Variants in TEX26 observed in about 807,000 individuals in gnomAD.
TEX26 encodes the protein testis expressed 26.
A neutral mutation model predicts 35.3 loss-of-function variants in TEX26; 34 were observed. The observed-to-expected ratio is 0.96, with a 90% CI of 0.73 to 1.28. The LOEUF is 1.28. Among genes scored for constraint, TEX26 ranks in the 50% most tolerant of loss-of-function variants. The probability of loss-of-function intolerance (pLI) is 0.00; values close to 1 mark genes in which losing one functional copy is unlikely to be tolerated. For synonymous variants in TEX26, 136 were observed against 111.8 expected, an observed-to-expected ratio of 1.22 and a Z score of -1.36; for missense variants, 371 against 330.1, an observed-to-expected ratio of 1.12 and a Z score of -0.96.
chr13:30,940,397 G>T (rs1347132290), intron 2 of TEX26, among the ~76,000 whole-genome samples: 1 of 129,490 alleles, frequency 7.7e-6, no homozygotes, highest in East Asian at 2.4e-4. Context: ...GCAGTGGTAC[G>T]ATCTCGGCTC....
chr13:30,937,233 C>T (rs1198381627), intron 1 of TEX26, among the ~76,000 whole-genome samples: 1 of 152,164 alleles, frequency 6.6e-6, no homozygotes, highest in Admixed American at 6.5e-5. Context: ...GTGACCCCAG[C>T]TGCCAAACTA....
chr13:30,954,277 TACAC>T (rs56003143), intron 3 of TEX26, among the ~76,000 whole-genome samples: 24,329 of 137,700 alleles, frequency 0.18, 2,321 homozygotes, highest in East Asian at 0.37. Flanking sequence ...TATAGACCTA[TACAC>T]ACACACACAC....
intron 6 of TEX26, among the ~76,000 whole-genome samples, chr13:30,971,153 A>G (rs1954698356): frequency 6.6e-6 from 1 of 152,152 alleles, no homozygotes; most frequent in Admixed American, 6.5e-5. Context: ...GCTTTATTAG[A>G]AGCTGAAAAA....
At chr13:30,942,995 T>G (rs1459677846) in intron 2 of TEX26, among the ~76,000 whole-genome samples, 1 of 152,146 alleles carries the variant, frequency 6.6e-6, no homozygotes, top group Non-Finnish European at 1.5e-5. Context: ...TCTGTATGAA[T>G]TTTAGAATTG....
intron 6 of TEX26, among the ~76,000 whole-genome samples, chr13:30,973,926 G>C (rs749602670): frequency 5.5e-4 from 83 of 151,646 alleles, no homozygotes; most frequent in Non-Finnish European, 8.8e-4. Context: ...GAGGCGGGTG[G>C]ATCACTTGAG....
intron 2 of TEX26, 93 bp downstream of exon 2, chr13:30,939,871 G>A: frequency 8.6e-7 from 1 of 1,156,502 alleles, no homozygotes; most frequent in Non-Finnish European, 1.3e-6. Flanking sequence ...ACAGTAATTA[G>A]AGAAGCTTCG....
intron 2 of TEX26, among the ~76,000 whole-genome samples, chr13:30,952,134 A>G (rs959843503): frequency 6.8e-6 from 1 of 147,692 alleles, no homozygotes; most frequent in African/African-American, 2.5e-5. Flanking sequence ...CAAGTTTTGC[A>G]TTTTGGCAAA....
rs766680154 is a variant in TEX26, at chr13:30,932,809, G to T, written c.61+33G>T. The T allele has an allele frequency of 3.7e-6, 6 of 1,607,014 alleles. No homozygotes were observed. The East Asian group carries it at 1.1e-4, about 30-fold the overall frequency. On this transcript the variant is annotated intron_variant, in intron 1 of 6. Coordinates refer to ENST00000380473, the MANE Select transcript of TEX26 (RefSeq NM_152325.3). ...AGCAGACTCTGCCGGTCTGCGGGGCGGGGCTGGGGTCTTTCCCGGGGAAAG... is the reference window on the plus strand; with the variant it reads ...AGCAGACTCTGCCGGTCTGCGGGGCTGGGCTGGGGTCTTTCCCGGGGAAAG...
chr13:30,936,954 A>G (rs556332173), intron 1 of TEX26: 1 of 985,462 alleles, frequency 1.0e-6, no homozygotes, highest in South Asian at 4.7e-5. Flanking sequence ...CTGTACTTTC[A>G]GAAGCTTTGT....
Position 30,952,761 on chromosome 13 carries a change from A to C in TEX26, c.248A>C (p.Lys83Thr). The C allele has an allele frequency of 6.2e-7, 1 of 1,613,174 alleles. No homozygotes were observed. ...GAGTACACTTGGAAATCACACTCTA[A>C]AGAAGATTTGATCAAAACTGAGACT... ...SDEYTWKSHS[K>T]EDLIKTETSR... The change falls in exon 3 of 7, where the codon AAA becomes ACA. Residue 83 changes from lysine to threonine, a missense_variant. By Grantham distance (78) the Lys-to-Thr change is moderately conservative (BLOSUM62 -1). Coordinates refer to ENST00000380473, the MANE Select transcript of TEX26 (RefSeq NM_152325.3).
At chr13:30,973,713 G>T (rs1231339683) in intron 6 of TEX26, among the ~76,000 whole-genome samples, 2 of 152,122 alleles carry the variant, frequency 1.3e-5, no homozygotes, top group African/African-American at 4.8e-5. Context: ...ACTGGCATTT[G>T]TGACATTGAG....
At chr13:30,960,875 C>G (rs1280982357) in intron 4 of TEX26, among the ~76,000 whole-genome samples, 1 of 152,160 alleles carries the variant, frequency 6.6e-6, no homozygotes, top group Admixed American at 6.5e-5. Context: ...GTGGACTCTT[C>G]TTTTTCTTAA....
intron 4 of TEX26, among the ~76,000 whole-genome samples, chr13:30,958,793 G>T (rs909042617): frequency 3.9e-5 from 6 of 152,076 alleles, no homozygotes; most frequent in Admixed American, 2.6e-4. Context: ...AGTATATCCC[G>T]TCTAGCATGT....
chr13:30,952,001 A>T (rs1463267746), intron 2 of TEX26, among the ~76,000 whole-genome samples: 24 of 50,706 alleles, frequency 4.7e-4, no homozygotes, highest in African/African-American at 1.4e-3. Context: ...TTATTCTGGG[A>T]TTTTTTTTTT....
intron 2 of TEX26, among the ~76,000 whole-genome samples, chr13:30,944,295 G>T (rs139655958): frequency 0.01 from 1,537 of 152,014 alleles, 27 homozygotes; most frequent in Middle Eastern, 0.034. Context: ...TGTGGTGTCA[G>T]TTGAAATGTC....
chr13:30,934,296 C>T lies in TEX26; in HGVS notation c.61+1520C>T, dbSNP rs543325781. On this transcript the variant is annotated intron_variant, in intron 1 of 6. Transcript: ENST00000380473. ...CTCTGTGCCACTTCATTCCCCACTG[C>T]TGGGAGAGTCACCCTCCAAATGGTA... Among the ~76,000 whole-genome samples the T allele has an allele frequency of 2.6e-5, 4 of 152,348 alleles. No homozygotes were observed. The East Asian group carries it at 7.7e-4, about 29-fold the overall frequency.
chr13:30,934,475 G>T (rs924043304), intron 1 of TEX26, among the ~76,000 whole-genome samples: 3 of 152,188 alleles, frequency 2.0e-5, no homozygotes, highest in Non-Finnish European at 4.4e-5. Context: ...CAGACTGGTG[G>T]ATTCAAACAA....
chr13:30,965,183 G>C (rs75640373), intron 4 of TEX26, among the ~76,000 whole-genome samples: 2,666 of 152,158 alleles, frequency 0.018, 89 homozygotes, highest in African/African-American at 0.062. Context: ...AAAGTAAGAG[G>C]CAACATGTAC....
chr13:30,937,906 A>T (rs1244046210), intron 1 of TEX26, among the ~76,000 whole-genome samples: 1 of 152,262 alleles, frequency 6.6e-6, no homozygotes, highest in African/African-American at 2.4e-5. Flanking sequence ...GGAGATGAAC[A>T]TTAAGAGGTT....
Sources: gnomAD v4.1 joint callset for allele counts (sites outside exome capture counted in the v4.1 genomes callset) on GRCh38, gnomAD v4.1.1 for gene constraint, MANE v1.5 for transcripts, NCBI Gene and HGNC (gene_info 2026-07-23, HGNC 2026-07-21) for gene names.